Variants in ACTRT3 observed in about 807,000 individuals in gnomAD.
ACTRT3 encodes the protein actin-related protein T3.
A neutral mutation model predicts 17.6 loss-of-function variants in ACTRT3; 15 were observed. The ratio of observed to expected loss-of-function variants is 0.85; its 90% CI spans 0.57 to 1.31. The LOEUF (loss-of-function observed/expected upper bound fraction) is 1.31, where lower values mean the gene tolerates loss of function less well. ACTRT3 is among the 50% of genes most tolerant of loss of function. The pLI is 0.00. For synonymous variants in ACTRT3, 169 were observed against 176.4 expected (o/e 0.96, Z 0.33); for missense variants, 457 against 466.7 (o/e 0.98, Z 0.19).
intron 1 of ACTRT3, among the ~76,000 whole-genome samples, chr3:169,768,776 G>T (rs1481711956): frequency 6.6e-6 from 1 of 151,954 alleles, no homozygotes; most frequent in Non-Finnish European, 1.5e-5. Context: ...GATCCGCCCT[G>T]CTCGGCCTCC....
At position 169,767,253 on chromosome 3, in the gene ACTRT3, A is replaced by G. The variant is rs1414988316; in HGVS notation, c.*179T>C. 3.6e-5 allele frequency: 19 copies of G among 529,826 alleles called. No homozygotes were observed. Among genetic ancestry groups the G allele is most frequent in the Non-Finnish European group, 6.1e-5 (19 of 310,548 alleles). 32.8% of individuals were successfully genotyped at this position (529,826 alleles called of 1,614,324 possible). A position where few individuals can be genotyped will look rare whatever the true frequency, so the allele number is the denominator to read the frequency against. ...ACATTATTTTAACTTGGTTCTACTCAATAGACATCTGTTCTTGAGCTTCAC... is the reference window on the plus strand; with the variant it reads ...ACATTATTTTAACTTGGTTCTACTCGATAGACATCTGTTCTTGAGCTTCAC... On this transcript the variant is annotated 3_prime_UTR_variant, in exon 2 of 2. Coordinates refer to ENST00000330368, the MANE Select transcript of ACTRT3 (RefSeq NM_032487.5).
intron 1 of ACTRT3, 98 bp from the exon 2 acceptor site, chr3:169,768,448 C>T: frequency 2.7e-6 from 3 of 1,115,322 alleles, no homozygotes; most frequent in Non-Finnish European, 3.8e-6. Context: ...TACCAATATC[C>T]CTTTATGGGC....
Position 169,768,088 on chromosome 3 carries a change from C to T in ACTRT3, c.463G>A (p.Gly155Ser). The T allele has an allele frequency of 6.2e-7, 1 of 1,614,068 alleles. No individual in the cohort carries two copies. The highest frequency in any genetic ancestry group is 1.3e-5 in the African/African-American group (1 of 75,036). Residue 155 changes from glycine to serine, a missense_variant, in exon 2 of 2, where the codon GGT (glycine) becomes AGT (serine). By Grantham distance (56) the Gly-to-Ser change is moderately conservative. Transcript: ENST00000330368. ...GGCACACTCTGGGTAACCCCAGCAC[C>T]TGAATTCAGCACAAGGCCAGTAGTG... The part of the protein sequence containing the change: ...GFTTGLVLNS[G>S]AGVTQSVPIF...
rs373104233 is a variant in ACTRT3, at chr3:169,768,197, G to T, written c.354C>A (p.Ile118=). 6 of 1,613,918 alleles carry T rather than the reference G, an allele frequency of 3.7e-6. No individual in the cohort carries two copies. The African/African-American group carries it at 8.0e-5, about 22-fold the overall frequency. The part of the protein sequence containing the change: ...ALNPLANRQQ[I]TEMFFEHLGV... The stretch of plus-strand genomic sequence containing the variant: ...CCAGATGCTCAAAAAACATTTCCGT[G>T]ATCTGTTGCCGGTTGGCCAGTGGGT... The change falls in exon 2 of 2, where the codon ATC becomes ATA. Residue 118 remains isoleucine (I), a synonymous_variant. Transcript: ENST00000330368.
Position 169,767,796 on chromosome 3 carries a change from A to G in ACTRT3, c.755T>C (p.Phe252Ser), listed in dbSNP as rs778876670. Reference protein sequence around the residue: ...GKVIQLHDQLFSCPEALFSPC... With the variant: ...GKVIQLHDQLSSCPEALFSPC... Reference sequence around the variant, plus strand: ...AGAGAAGAGGGCCTCTGGACAAGAAAAGAGCTGGTCATGGAGCTGGATGAC... The same window carrying G: ...AGAGAAGAGGGCCTCTGGACAAGAAGAGAGCTGGTCATGGAGCTGGATGAC... Residue 252 changes from phenylalanine (F) to serine (S), a missense_variant, in exon 2 of 2, where the codon TTT becomes TCT. Physicochemically the swap from Phe to Ser is radical, Grantham distance 155. Transcript: ENST00000330368. 1.9e-6 allele frequency: 3 copies of G among 1,614,074 alleles called. No homozygotes were observed. The highest frequency in any genetic ancestry group is 2.7e-5 in the African/African-American group (2 of 74,920).
Position 169,767,701 on chromosome 3 carries a change from T to C in ACTRT3, c.850A>G (p.Thr284Ala). ...ICFSSIMKCDTGLRNSFFSNI... is the reference protein window; with the variant it reads ...ICFSSIMKCDAGLRNSFFSNI... ...GAAAAGAAGGAATTCCTCAGGCCTG[T>C]ATCACATTTCATTATGCTGCTGAAG... Residue 284 changes from threonine to alanine, a missense_variant, in exon 2 of 2, where the codon ACA becomes GCA. Transcript: ENST00000330368. 6.2e-7 allele frequency: 1 copy of C among 1,610,830 alleles called. No individual in the cohort carries two copies.
Position 169,768,191 on chromosome 3 carries a change from T to C in ACTRT3, c.360A>G (p.Glu120=). 6.2e-7 allele frequency: 1 copy of C among 1,613,998 alleles called. No individual in the cohort carries two copies. Among genetic ancestry groups the C allele is most frequent in the Non-Finnish European group, 8.5e-7 (1 of 1,180,026 alleles). The part of the protein sequence containing the change: ...NPLANRQQIT[E]MFFEHLGVPA... ...GAACACCCAGATGCTCAAAAAACAT[T>C]TCCGTGATCTGTTGCCGGTTGGCCA... The change falls in exon 2 of 2, where the codon GAA becomes GAG. Residue 120 remains glutamate (E), a synonymous_variant. Transcript: ENST00000330368.
intron 1 of ACTRT3, among the ~76,000 whole-genome samples, chr3:169,768,610 C>G (rs991149597): frequency 1.3e-5 from 2 of 151,668 alleles, no homozygotes; most frequent in Non-Finnish European, 2.9e-5. Flanking sequence ...TCACTGCAAG[C>G]TCCGCCTCCC....
At chr3:169,768,664 A>C (rs1469386541) in intron 1 of ACTRT3, among the ~76,000 whole-genome samples, 1 of 151,794 alleles carries the variant, frequency 6.6e-6, no homozygotes, top group Non-Finnish European at 1.5e-5. Flanking sequence ...AGTAGCTGGG[A>C]CTACAGGCGC....
chr3:169,768,477 T>A, intron 1 of ACTRT3, 127 bp from the exon 2 acceptor site: 1 of 874,558 alleles, frequency 1.1e-6, no homozygotes, highest in Non-Finnish European at 1.7e-6. Context: ...CCACAGCCTC[T>A]CACAGCAGGT....
Position 169,767,190 on chromosome 3 carries a change from C to T in ACTRT3, c.*242G>A, listed in dbSNP as rs1294898078. The T allele has an allele frequency of 3.0e-6, 1 of 337,474 alleles. No individual in the cohort carries two copies. Among genetic ancestry groups the T allele is most frequent in the African/African-American group, 2.1e-5 (1 of 47,594 alleles). The allele number at this position is 337,474 out of a possible 1,614,324, so 20.9% of individuals were successfully genotyped here. Reference sequence around the variant, plus strand: ...TGCTCTCTTCCAAGGGAAATATAAGCTCACCAACGTCAAGTTATAGAAGAA... The same window carrying T: ...TGCTCTCTTCCAAGGGAAATATAAGTTCACCAACGTCAAGTTATAGAAGAA... On this transcript the variant is annotated 3_prime_UTR_variant, in exon 2 of 2. Coordinates refer to ENST00000330368, the MANE Select transcript of ACTRT3 (RefSeq NM_032487.5).
chr3:169,768,179 C>T lies in ACTRT3; in HGVS notation c.372G>A (p.Glu124=). 6.2e-7 allele frequency: 1 copy of T among 1,614,028 alleles called. No individual in the cohort carries two copies. Among genetic ancestry groups the T allele is most frequent in the South Asian group, 1.1e-5 (1 of 91,074 alleles). The change falls in exon 2 of 2, where the codon GAG becomes GAA. Residue 124 remains glutamate, a synonymous_variant. Coordinates refer to ENST00000330368, the MANE Select transcript of ACTRT3 (RefSeq NM_032487.5). ...NRQQITEMFF[E]HLGVPAFYMS... is the part of the protein sequence containing the mutation. The stretch of plus-strand genomic sequence containing the variant: ...TATAGAAGGCAGGAACACCCAGATG[C>T]TCAAAAAACATTTCCGTGATCTGTT...
chr3:169,768,298 A>C lies in ACTRT3; in HGVS notation c.253T>G (p.Trp85Gly), dbSNP rs1410943225. 5 of 1,613,734 alleles carry C rather than the reference A, an allele frequency of 3.1e-6. No individual in the cohort carries two copies. The highest frequency in any genetic ancestry group is 4.2e-6 in the Non-Finnish European group (5 of 1,179,932). The change falls in exon 2 of 2, where the codon TGG (tryptophan) becomes GGG (glycine). Residue 85 changes from tryptophan to glycine, a missense_variant. Trp to Gly is a radical substitution (Grantham distance 184). Transcript: ENST00000330368. ...AGGTTATAGTCATAGATATGCTTCC[A>C]CATGATCTCCATGTCCTCCCATGAA... ...ITSWEDMEIM[W>G]KHIYDYNLKL...
chr3:169,767,866 T>C lies in ACTRT3; in HGVS notation c.685A>G (p.Lys229Glu). ...AMNYEEEMAKKPDCLEKVYQL... is the reference protein window; with the variant it reads ...AMNYEEEMAKEPDCLEKVYQL... Reference sequence around the variant, plus strand: ...TAAACTTTCTCTAGACAATCGGGTTTCTTGGCCATTTCCTCTTCGTAGTTC... The same window carrying C: ...TAAACTTTCTCTAGACAATCGGGTTCCTTGGCCATTTCCTCTTCGTAGTTC... The change falls in exon 2 of 2, where the codon AAA becomes GAA. Residue 229 changes from lysine to glutamate, a missense_variant. Physicochemically the swap from Lys to Glu is moderately conservative, Grantham distance 56. Coordinates refer to ENST00000330368, the MANE Select transcript of ACTRT3 (RefSeq NM_032487.5). 1 of 1,614,224 alleles carries C rather than the reference T, an allele frequency of 6.2e-7. No homozygotes were observed. The highest frequency in any genetic ancestry group is 1.1e-5 in the South Asian group (1 of 91,076).
chr3:169,769,366 C>CA lies in ACTRT3; in HGVS notation c.154dup (p.Cys52LeufsTer39). 2 of 1,594,982 alleles carry CA rather than the reference C, an allele frequency of 1.3e-6. No homozygotes were observed. Among genetic ancestry groups the CA allele is most frequent in the Non-Finnish European group, 1.7e-6 (2 of 1,174,312 alleles). ...CCAGTCCTGAGCTTGGTCGCCCACG[C>CA]AGAGTTCTAGCCCGCCCTGGGCCGC... On this transcript the variant is annotated frameshift_variant, in exon 1 of 2. Coordinates refer to ENST00000330368, the MANE Select transcript of ACTRT3 (RefSeq NM_032487.5). LOFTEE classifies it low-confidence loss of function (END_TRUNC).
In ACTRT3 at chr3:169,767,167, C is replaced by A; in HGVS notation, c.*265G>T. The A allele has an allele frequency of 3.5e-6, 1 of 284,530 alleles. No individual in the cohort carries two copies. 17.6% of individuals were successfully genotyped at this position (284,530 alleles called of 1,614,324 possible). ...CACATAGCATATTGTACCACAAATGCTCTCTTCCAAGGGAAATATAAGCTC... is the reference window on the plus strand; with the variant it reads ...CACATAGCATATTGTACCACAAATGATCTCTTCCAAGGGAAATATAAGCTC... On this transcript the variant is annotated 3_prime_UTR_variant, in exon 2 of 2. Coordinates refer to ENST00000330368, the MANE Select transcript of ACTRT3 (RefSeq NM_032487.5).
In ACTRT3 at chr3:169,768,323, A is replaced by G; in HGVS notation, c.228T>C (p.Thr76=). The change falls in exon 2 of 2, where the codon ACT becomes ACC. Residue 76 remains threonine, a synonymous_variant. Transcript: ENST00000330368. Reference sequence around the variant, plus strand: ...ACATGATCTCCATGTCCTCCCATGAAGTAATGAGACCACGCTCCACTGGGT... The same window carrying G: ...ACATGATCTCCATGTCCTCCCATGAGGTAATGAGACCACGCTCCACTGGGT... ...ISYPVERGLI[T]SWEDMEIMWK... The G allele has an allele frequency of 6.2e-7, 1 of 1,612,012 alleles. No individual in the cohort carries two copies. The highest frequency in any genetic ancestry group is 8.5e-7 in the Non-Finnish European group (1 of 1,178,526).
chr3:169,767,910 C>G lies in ACTRT3; in HGVS notation c.641G>C (p.Ser214Thr), dbSNP rs373100307. 7 of 1,614,186 alleles carry G rather than the reference C, an allele frequency of 4.3e-6. No homozygotes were observed. The highest frequency in any genetic ancestry group is 5.9e-6 in the Non-Finnish European group (7 of 1,180,044). Residue 214 changes from serine to threonine, a missense_variant, in exon 2 of 2, where the codon AGC becomes ACC. Ser to Thr is a moderately conservative substitution (Grantham distance 58). Transcript: ENST00000330368. ...DRKIVEDIKE[S>T]FCYVAMNYEE... The stretch of plus-strand genomic sequence containing the variant: ...GTAGTTCATTGCCACATAACAAAAG[C>G]TCTCCTTGATGTCTTCAACAATCTT...
At position 169,767,626 on chromosome 3, in the gene ACTRT3, G is replaced by A. The variant is rs138945719; in HGVS notation, c.925C>T (p.Arg309Trp). The change falls in exon 2 of 2, where the codon CGG (arginine) becomes TGG (tryptophan). Residue 309 changes from arginine (R) to tryptophan (W), a missense_variant. By Grantham distance (101) the Arg-to-Trp change is moderately radical. Transcript: ENST00000330368. ...GSTSFPGLDK[R>W]LVKDIAKVAP... ...ACCTTTGCTATATCCTTAACTAACCGCTTGTCTAAACCAGGGAAAGAGGTT... is the reference window on the plus strand; with the variant it reads ...ACCTTTGCTATATCCTTAACTAACCACTTGTCTAAACCAGGGAAAGAGGTT... The A allele has an allele frequency of 2.5e-4, 397 of 1,613,544 alleles. No individual in the cohort carries two copies. The highest frequency in any genetic ancestry group is 3.2e-4 in the Non-Finnish European group (374 of 1,179,880).
Sources: gnomAD v4.1 joint callset for allele counts (sites outside exome capture counted in the v4.1 genomes callset) on GRCh38, gnomAD v4.1.1 for gene constraint, MANE v1.5 for transcripts, NCBI Gene and HGNC (gene_info 2026-07-23, HGNC 2026-07-21) for gene names.